The following PSME4 variants were observed in gnomAD, a reference collection of about 807,000 sequenced individuals.
The protein encoded by PSME4 is proteasome activator complex subunit 4.
Under a neutral mutation model 253.9 loss-of-function variants are expected in PSME4, and 89 were observed. The observed-to-expected ratio is 0.35, with a 90% confidence interval of 0.30 to 0.42. The LOEUF is 0.42. PSME4 is among the 10% of genes least tolerant of loss of function. The probability of loss-of-function intolerance (pLI) is 1.00; values close to 1 mark genes in which losing one functional copy is unlikely to be tolerated. For missense variants in PSME4, 2,014 were observed against 2,195.2 expected, an observed-to-expected ratio of 0.92 and a Z score of 1.65; for synonymous variants, 851 against 759.2, an observed-to-expected ratio of 1.12 and a Z score of -1.99.
At chr2:53,868,356 G>C (rs924741942) in intron 44 of PSME4, among the ~76,000 whole-genome samples, 3 of 150,898 alleles carry the variant, frequency 2.0e-5, no homozygotes, top group Admixed American at 1.3e-4. Context: ...GCTAACAGGG[G>C]CATGAGAATC....
At chr2:53,894,428 C>T (rs577270435) in intron 34 of PSME4, among the ~76,000 whole-genome samples, 3 of 151,590 alleles carry the variant, frequency 2.0e-5, no homozygotes, top group Non-Finnish European at 2.9e-5. Flanking sequence ...TGCACCACTA[C>T]GCCCAGCTGA....
intron 41 of PSME4, among the ~76,000 whole-genome samples, chr2:53,879,056 T>C (rs1679261904): frequency 6.6e-6 from 1 of 152,098 alleles, no homozygotes; most frequent in African/African-American, 2.4e-5. Flanking sequence ...TTAAAATTCC[T>C]CTCTTTTGTA....
chr2:53,922,584 T>C lies in PSME4; in HGVS notation c.1979A>G (p.Asn660Ser). ...CCSVITQLTMNDDVLNDEELD... is the reference protein window; with the variant it reads ...CCSVITQLTMSDDVLNDEELD... ...CTCTTCATCATTTAATACATCATCA[T>C]CTAAAAACAGCAAAATACTATTAGG... is the stretch of plus-strand genomic sequence containing the variant. Residue 660 changes from asparagine to serine, a missense_variant and splice_region_variant, in exon 17 of 47, where the codon AAT (asparagine) becomes AGT (serine). By Grantham distance (46) the Asn-to-Ser change is conservative (BLOSUM62 1). Coordinates refer to ENST00000404125, the MANE Select transcript of PSME4 (RefSeq NM_014614.3). The C allele has an allele frequency of 6.2e-7, 1 of 1,611,608 alleles. No individual in the cohort carries two copies. The highest frequency in any genetic ancestry group is 1.1e-5 in the South Asian group (1 of 90,274).
chr2:53,892,763 C>T (rs2104427659), intron 36 of PSME4, 45 bp downstream of exon 36: 1 of 1,560,066 alleles, frequency 6.4e-7, no homozygotes, highest in Non-Finnish European at 8.7e-7. Flanking sequence ...AAATGGGTAA[C>T]ATAGCTTTAA....
intron 36 of PSME4, among the ~76,000 whole-genome samples, chr2:53,891,512 TTAC>T: frequency 6.6e-6 from 1 of 151,902 alleles, no homozygotes; most frequent in South Asian, 2.1e-4. Context: ...ACATGAACAG[TTAC>T]TATTATTAAT....
At chr2:53,946,992 C>G (rs1669742150) in intron 3 of PSME4, among the ~76,000 whole-genome samples, 1 of 152,148 alleles carries the variant, frequency 6.6e-6, no homozygotes, top group Non-Finnish European at 1.5e-5. Context: ...AGCATACTTG[C>G]ACAATGCACT....
chr2:53,945,839 C>T (rs995481363), intron 3 of PSME4, among the ~76,000 whole-genome samples: 5 of 152,144 alleles, frequency 3.3e-5, no homozygotes, highest in African/African-American at 1.2e-4. Flanking sequence ...GAAGAAAAAA[C>T]TCAAAATTGT....
At chr2:53,923,788 T>TGGCG (rs1468620028) in intron 14 of PSME4, among the ~76,000 whole-genome samples, 1 of 151,826 alleles carries the variant, frequency 6.6e-6, no homozygotes, top group East Asian at 1.9e-4. Flanking sequence ...CCAGGCATGG[T>TGGCG]GGCGCATGCC....
intron 17 of PSME4, among the ~76,000 whole-genome samples, chr2:53,921,608 C>G (rs1668320608): frequency 6.8e-6 from 1 of 147,254 alleles, no homozygotes; most frequent in Non-Finnish European, 1.5e-5. Context: ...GTGGCTCACG[C>G]CTGTAATCCC....
intron 1 of PSME4, among the ~76,000 whole-genome samples, chr2:53,960,216 A>T (rs560059304): frequency 5.8e-4 from 88 of 152,256 alleles, no homozygotes; most frequent in African/African-American, 2.0e-3. Context: ...CCTGGCCAAC[A>T]TGGCGAAACC....
At chr2:53,943,972 A>G (rs981400681) in intron 3 of PSME4, among the ~76,000 whole-genome samples, 8 of 152,194 alleles carry the variant, frequency 5.3e-5, no homozygotes, top group Admixed American at 4.6e-4. Context: ...GGGTTAGGAA[A>G]TTATAATAAT....
At chr2:53,866,631 C>A in intron 45 of PSME4, 116 bp downstream of exon 45, 1 of 1,147,762 alleles carries the variant, frequency 8.7e-7, no homozygotes, top group Non-Finnish European at 1.2e-6. Flanking sequence ...TAAGCCTTGG[C>A]AGAGGCAGCA....
intron 28 of PSME4, among the ~76,000 whole-genome samples, chr2:53,900,947 A>C (rs1680370166): frequency 6.6e-6 from 1 of 152,206 alleles, no homozygotes; most frequent in Admixed American, 6.5e-5. Context: ...TAGTCTTTCG[A>C]GTCAAATCAT....
chr2:53,941,973 C>A (rs543580925), intron 3 of PSME4, among the ~76,000 whole-genome samples: 2 of 152,120 alleles, frequency 1.3e-5, no homozygotes, highest in African/African-American at 2.4e-5. Context: ...GTTCCCTTCA[C>A]GCTTCAGAAG....
chr2:53,921,693 C>G (rs1488773889), intron 17 of PSME4, among the ~76,000 whole-genome samples: 1 of 136,030 alleles, frequency 7.4e-6, no homozygotes, highest in Non-Finnish European at 1.6e-5. Context: ...ACGGTGAAAC[C>G]CCGTCTCTAC....
chr2:53,967,294 C>T (rs2909459), intron 1 of PSME4, among the ~76,000 whole-genome samples: 39,587 of 151,928 alleles, frequency 0.26, 5,795 homozygotes, highest in South Asian at 0.46. Flanking sequence ...AATAACCTTT[C>T]TTCAGAGATG....
chr2:53,940,200 C>T (rs1184014982), intron 3 of PSME4, among the ~76,000 whole-genome samples, 200 bp from the exon 4 acceptor site: 1 of 152,098 alleles, frequency 6.6e-6, no homozygotes, highest in East Asian at 1.9e-4. Flanking sequence ...CCTTTGCCCT[C>T]ATTTCGCTGT....
At position 53,927,416 on chromosome 2, in the gene PSME4, T is replaced by G. The variant is rs1325431089; in HGVS notation, c.1571A>C (p.Gln524Pro). The change falls in exon 12 of 47, where the codon CAA becomes CCA. Residue 524 changes from glutamine to proline, a missense_variant. Physicochemically the swap from Gln to Pro is moderately conservative, Grantham distance 76. Around this residue, in one of 4 missense-constraint regions of PSME4, gnomAD observed 989 missense variants for 1,021.1 expected, o/e 0.97. Coordinates refer to ENST00000404125, the MANE Select transcript of PSME4 (RefSeq NM_014614.3). The part of the protein sequence containing the change: ...VPLVDCSSVL[Q>P]ERNDLTEVER... The stretch of plus-strand genomic sequence containing the variant: ...TACTTCTGTGAGGTCATTTCTTTCT[T>G]GTAGTACAGATGAACAATCTACTAA... 1.3e-6 allele frequency: 2 copies of G among 1,583,934 alleles called. No homozygotes were observed. Among genetic ancestry groups the G allele is most frequent in the South Asian group, 1.1e-5 (1 of 90,436 alleles).
intron 1 of PSME4, among the ~76,000 whole-genome samples, chr2:53,957,477 T>A (rs1670288656): frequency 1.3e-5 from 2 of 152,124 alleles, no homozygotes; most frequent in African/African-American, 2.4e-5. Context: ...ACAACCTAGA[T>A]CCCTCTCATG....
Sources: allele counts gnomAD v4.1 joint callset (sites outside exome capture counted in the v4.1 genomes callset), GRCh38; gene constraint gnomAD v4.1.1; regional missense constraint gnomAD v4.1.1; transcripts MANE v1.5; gene names NCBI Gene and HGNC (gene_info 2026-07-23, HGNC 2026-07-21).